DUSP22: variants seen among roughly 807,000 people sequenced by gnomAD.
The protein encoded by DUSP22 is dual specificity protein phosphatase 22.
DUSP22 carries 24 observed loss-of-function variants against 24.5 expected under a neutral mutation model. The ratio of observed to expected loss-of-function variants is 0.98; its 90% CI spans 0.71 to 1.38. DUSP22 has a LOEUF of 1.38. Among genes scored for constraint, DUSP22 ranks in the 40% most tolerant of loss-of-function variants. DUSP22 has a pLI of 0.00. For synonymous variants in DUSP22, 160 were observed against 106.4 expected, an observed-to-expected ratio of 1.50 and a Z score of -3.10; for missense variants, 330 against 269.2, an observed-to-expected ratio of 1.23 and a Z score of -1.58.
chr6:335,448 A>G (rs942835969), intron 4 of DUSP22, among the ~76,000 whole-genome samples: 3 of 152,304 alleles, frequency 2.0e-5, no homozygotes, highest in Admixed American at 6.5e-5. Context: ...AACCTTTAGT[A>G]TGCTCATCTT....
At chr6:307,952 C>T (rs1364188034) in intron 2 of DUSP22, among the ~76,000 whole-genome samples, 1 of 152,298 alleles carries the variant, frequency 6.6e-6, no homozygotes, top group Admixed American at 6.5e-5. Context: ...TCCATCCAGA[C>T]TTATTTTTTC....
At chr6:329,693 T>A (rs1581176318) in intron 3 of DUSP22, among the ~76,000 whole-genome samples, 1 of 152,420 alleles carries the variant, frequency 6.6e-6, no homozygotes, top group East Asian at 1.9e-4. Flanking sequence ...ACCTCGTGGC[T>A]CACCTGCCTT....
In DUSP22 at chr6:350,661, A is replaced by G. The variant is rs920334457; in HGVS notation, c.*1710A>G. 3.3e-6 allele frequency: 5 copies of G among 1,519,034 alleles called. No homozygotes were observed. Among genetic ancestry groups the G allele is most frequent in the Non-Finnish European group, 4.4e-6 (5 of 1,134,018 alleles). The allele number at this position is 1,519,034 out of a possible 1,614,324, so 94.1% of individuals were successfully genotyped here. ...CTAAAACAATTTGCCAATAAAGTAC[A>G]TGTTTTTCCTAAGCCAAAAATAAAT... On this transcript the variant is annotated 3_prime_UTR_variant, in exon 7 of 7. Transcript: ENST00000419235.
In DUSP22 at chr6:350,857, A is replaced by G; in HGVS notation, c.*1906A>G. The G allele has an allele frequency of 1.2e-6, 2 of 1,614,278 alleles. No individual in the cohort carries two copies. The highest frequency in any genetic ancestry group is 1.7e-6 in the Non-Finnish European group (2 of 1,180,026). On this transcript the variant is annotated 3_prime_UTR_variant, in exon 7 of 7. Transcript: ENST00000419235. ...AATTCTGAAGTTCTGGGCCTTTCTC[A>G]GAAGACTGTAATGTACCTGAAGTTT...
Position 336,675 on chromosome 6 carries a change from A to G in DUSP22, c.188+1512A>G, listed in dbSNP as rs1472081318. On this transcript the variant is annotated intron_variant, in intron 4 of 6. Transcript: ENST00000419235. ...TGCTCCCCAGGGGCTGTGTTTCCACATGCACTCTTGATATTTCACAGAAAG... is the reference window on the plus strand; with the variant it reads ...TGCTCCCCAGGGGCTGTGTTTCCACGTGCACTCTTGATATTTCACAGAAAG... 3.9e-5 allele frequency among the ~76,000 whole-genome samples: 6 copies of G among 152,430 alleles called. No individual in the cohort carries two copies. The East Asian group carries it at 9.6e-4, about 24-fold the overall frequency.
intron 3 of DUSP22, among the ~76,000 whole-genome samples, chr6:333,638 T>C (rs758936372): frequency 6.6e-6 from 1 of 152,306 alleles, no homozygotes; most frequent in Non-Finnish European, 1.5e-5. Flanking sequence ...TCCCTCAGAA[T>C]AGATGGAGAA....
Position 309,584 on chromosome 6 carries a change from T to C in DUSP22, c.56-2296T>C, listed in dbSNP as rs1995945. Reference sequence around the variant, plus strand: ...TGACTTCTGCTTCATCATCAAGGCTTGTTAGAGATGGAGATTCCTCAGCCC... The same window carrying C: ...TGACTTCTGCTTCATCATCAAGGCTCGTTAGAGATGGAGATTCCTCAGCCC... On this transcript the variant is annotated intron_variant, in intron 2 of 6. Transcript: ENST00000419235. Among the ~76,000 whole-genome samples, 3 of 152,304 alleles carry C rather than the reference T, an allele frequency of 2.0e-5. No individual in the cohort carries two copies. In the East Asian group the frequency reaches 5.8e-4, roughly 29 times the overall value.
At position 351,028 on chromosome 6, in the gene DUSP22, G is replaced by T; in HGVS notation, c.*2077G>T. 9.1e-7 allele frequency: 1 copy of T among 1,096,908 alleles called. No individual in the cohort carries two copies. Among genetic ancestry groups the T allele is most frequent in the East Asian group, 2.5e-5 (1 of 39,686 alleles). The allele number at this position is 1,096,908 out of a possible 1,614,324, so 67.9% of individuals were successfully genotyped here. A position where few individuals can be genotyped will look rare whatever the true frequency, so the allele number is the denominator to read the frequency against. On this transcript the variant is annotated 3_prime_UTR_variant, in exon 7 of 7. Transcript: ENST00000419235. Reference sequence around the variant, plus strand: ...TAGTCATGTTTATGTTGAGAACTAAGGATATTCTTTAGCAAGAGAAAATAT... The same window carrying T: ...TAGTCATGTTTATGTTGAGAACTAATGATATTCTTTAGCAAGAGAAAATAT...
At position 349,054 on chromosome 6, in the gene DUSP22, C is replaced by T. The variant is rs1760036044; in HGVS notation, c.*103C>T. ...CGATGAGGACAGGAAAGGGAGATAG[C>T]CAGGGCGAGGTGGGGCGAGGGCTCC... On this transcript the variant is annotated 3_prime_UTR_variant, in exon 7 of 7. Transcript: ENST00000419235. 2 of 1,497,538 alleles carry T rather than the reference C, an allele frequency of 1.3e-6. No homozygotes were observed. The highest frequency in any genetic ancestry group is 1.8e-6 in the Non-Finnish European group (2 of 1,122,372). 92.8% of individuals were successfully genotyped at this position (1,497,538 alleles called of 1,614,324 possible).
intron 2 of DUSP22, among the ~76,000 whole-genome samples, chr6:310,492 T>A (rs1305909261): frequency 1.3e-5 from 2 of 152,308 alleles, no homozygotes; most frequent in Non-Finnish European, 2.9e-5. Flanking sequence ...GGAGATAATT[T>A]AATAGCCAAC....
At chr6:319,102 G>A (rs1758467567) in intron 3 of DUSP22, among the ~76,000 whole-genome samples, 1 of 152,270 alleles carries the variant, frequency 6.6e-6, no homozygotes, top group Non-Finnish European at 1.5e-5. Flanking sequence ...TGGGAGGGGA[G>A]GGAGGGAAGG....
chr6:339,626 G>A (rs1259368986), intron 4 of DUSP22, among the ~76,000 whole-genome samples: 3 of 152,288 alleles, frequency 2.0e-5, no homozygotes, highest in African/African-American at 7.2e-5. Flanking sequence ...CATTGCAGTA[G>A]CGCCTTTGTG....
At position 304,651 on chromosome 6, in the gene DUSP22, C is replaced by T; in HGVS notation, c.45C>T (p.Gly15=). 6.2e-7 allele frequency: 1 copy of T among 1,614,250 alleles called. No homozygotes were observed. Among genetic ancestry groups the T allele is most frequent in the Non-Finnish European group, 8.5e-7 (1 of 1,180,018 alleles). The change falls in exon 2 of 7, where the codon GGC becomes GGT. Residue 15 remains glycine (G), a synonymous_variant. Coordinates refer to ENST00000419235, the MANE Select transcript of DUSP22 (RefSeq NM_001286555.3). ...MNKILPGLYI[G]NFKDARDAEQ... ...AGATCCTGCCCGGCCTGTACATCGG[C>T]AACTTCAAAGGTGAGTTCTTGCTTT...
chr6:339,297 C>T (rs1759491767), intron 4 of DUSP22, among the ~76,000 whole-genome samples: 2 of 152,306 alleles, frequency 1.3e-5, no homozygotes, highest in Non-Finnish European at 2.9e-5. Context: ...TCTCTTCTCT[C>T]ATCTGTAAAA....
At chr6:295,919 T>C (rs557790505) in intron 1 of DUSP22, among the ~76,000 whole-genome samples, 8 of 152,368 alleles carry the variant, frequency 5.3e-5, no homozygotes, top group Admixed American at 3.3e-4. Context: ...TTTGCCCAGA[T>C]TGGGGAATGG....
intron 3 of DUSP22, among the ~76,000 whole-genome samples, chr6:313,177 A>G (rs575923252): frequency 2.0e-5 from 3 of 152,306 alleles, no homozygotes; most frequent in African/African-American, 7.2e-5. Flanking sequence ...GTCATGATTG[A>G]CTTCCTCTTA....
chr6:310,393 C>G (rs1036105216), intron 2 of DUSP22, among the ~76,000 whole-genome samples: 1 of 152,302 alleles, frequency 6.6e-6, no homozygotes, highest in Non-Finnish European at 1.5e-5. Flanking sequence ...AGAAGGGTTC[C>G]ACTTCAGGGG....
chr6:297,122 T>G (rs1757370105), intron 1 of DUSP22, among the ~76,000 whole-genome samples: 1 of 152,308 alleles, frequency 6.6e-6, no homozygotes, highest in South Asian at 2.1e-4. Context: ...TTCATGGGTG[T>G]GATCCTGAAG....
intron 2 of DUSP22, among the ~76,000 whole-genome samples, chr6:305,975 T>A (rs970383510): frequency 6.6e-6 from 1 of 152,288 alleles, no homozygotes. Flanking sequence ...CACACCCGTA[T>A]CCCCCCAGCT....
Sources: gnomAD v4.1 joint callset for allele counts (sites outside exome capture counted in the v4.1 genomes callset) on GRCh38, gnomAD v4.1.1 for gene constraint, MANE v1.5 for transcripts, NCBI Gene and HGNC (gene_info 2026-07-23, HGNC 2026-07-21) for gene names.